EPHA3: variants seen among roughly 807,000 people sequenced by gnomAD.
The protein encoded by EPHA3 is ephrin type-A receptor 3.
A neutral mutation model predicts 107.1 loss-of-function variants in EPHA3; 42 were observed. That is an observed-to-expected ratio of 0.39 (90% confidence interval 0.31 to 0.51). EPHA3 has a LOEUF of 0.51. EPHA3 is among the 20% of genes least tolerant of loss of function. The pLI is 0.78. For synonymous variants in EPHA3, 461 were observed against 424.8 expected, an observed-to-expected ratio of 1.09 and a Z score of -1.05; for missense variants, 1,183 against 1,211.2, an observed-to-expected ratio of 0.98 and a Z score of 0.35.
At chr3:89,295,746 AC>A (rs1706334404) in intron 3 of EPHA3, among the ~76,000 whole-genome samples, 1 of 151,986 alleles carries the variant, frequency 6.6e-6, no homozygotes, top group African/African-American at 2.4e-5. Context: ...ATGCACCACC[AC>A]ACCCGGCTAA....
chr3:89,200,914 G>T (rs754284398), intron 2 of EPHA3, among the ~76,000 whole-genome samples: 4 of 152,120 alleles, frequency 2.6e-5, no homozygotes, highest in African/African-American at 4.8e-5. Context: ...CCTGTCCAGG[G>T]CTGGCTCCTG....
At chr3:89,154,269 TG>T (rs199961473) in intron 2 of EPHA3, among the ~76,000 whole-genome samples, 2,615 of 151,282 alleles carry the variant, frequency 0.017, 26 homozygotes, top group Non-Finnish European at 0.029. Context: ...GGTTTTTGTT[TG>T]TTTTTTTTTT....
chr3:89,415,338 A>T (rs1197225660), intron 10 of EPHA3, among the ~76,000 whole-genome samples: 1 of 149,934 alleles, frequency 6.7e-6, no homozygotes, highest in Non-Finnish European at 1.5e-5. Flanking sequence ...TCTTAATCTT[A>T]AAAAAAATAT....
At chr3:89,405,656 T>C (rs750297699) in intron 7 of EPHA3, among the ~76,000 whole-genome samples, 6 of 152,156 alleles carry the variant, frequency 3.9e-5, no homozygotes, top group Non-Finnish European at 7.3e-5. Context: ...CAAACTTAGA[T>C]TTGTTCAGGC....
At chr3:89,139,462 C>A (rs1419968000) in intron 2 of EPHA3, among the ~76,000 whole-genome samples, 2 of 151,754 alleles carry the variant, frequency 1.3e-5, no homozygotes, top group Admixed American at 6.6e-5. Flanking sequence ...ATTAGTAACA[C>A]AATTTTGATG....
At chr3:89,196,929 T>G (rs745335340) in intron 2 of EPHA3, among the ~76,000 whole-genome samples, 20 of 152,084 alleles carry the variant, frequency 1.3e-4, no homozygotes, top group Non-Finnish European at 2.4e-4. Flanking sequence ...ACCAATGCTA[T>G]CCTATCCAGA....
chr3:89,445,416 A>G (rs1204037024), intron 13 of EPHA3, among the ~76,000 whole-genome samples: 1 of 152,184 alleles, frequency 6.6e-6, no homozygotes, highest in Admixed American at 6.5e-5. Flanking sequence ...AAAAATAAAT[A>G]TGTTTACTTC....
At chr3:89,211,742 CCTTCTTCTTCTTCTTCTTCTTCTT>C (rs1206791496) in intron 3 of EPHA3, among the ~76,000 whole-genome samples, 5 of 19,538 alleles carry the variant, frequency 2.6e-4, no homozygotes, top group African/African-American at 6.2e-4. Context: ...TTCTTCTTCT[CCTTCTTCTTCTTCTTCTTCTTCTT>C]CTTCTTCTTC....
intron 5 of EPHA3, among the ~76,000 whole-genome samples, chr3:89,367,441 C>G (rs1385587073): frequency 6.6e-6 from 1 of 150,586 alleles, no homozygotes; most frequent in Non-Finnish European, 1.5e-5. Flanking sequence ...AGTGACTCCT[C>G]AAAGGCAGGG....
intron 3 of EPHA3, among the ~76,000 whole-genome samples, chr3:89,274,681 A>G (rs1559628311): frequency 6.6e-6 from 1 of 152,050 alleles, no homozygotes; most frequent in South Asian, 2.1e-4. Flanking sequence ...AGTTTAATAT[A>G]GTAAATTGAA....
intron 5 of EPHA3, among the ~76,000 whole-genome samples, chr3:89,362,099 C>G (rs2107459318): frequency 6.6e-6 from 1 of 151,172 alleles, no homozygotes; most frequent in Admixed American, 6.6e-5. Context: ...GACCTCACTT[C>G]TGAAATAATG....
intron 3 of EPHA3, among the ~76,000 whole-genome samples, chr3:89,284,021 A>C (rs1310609696): frequency 6.6e-6 from 1 of 152,064 alleles, no homozygotes; most frequent in African/African-American, 2.4e-5. Flanking sequence ...CACACCATAA[A>C]AGACTAGGAT....
At chr3:89,385,359 A>G (rs1447371242) in intron 5 of EPHA3, among the ~76,000 whole-genome samples, 4 of 152,190 alleles carry the variant, frequency 2.6e-5, no homozygotes, top group Non-Finnish European at 4.4e-5. Context: ...GGACGGACCC[A>G]GTGGGAGGTA....
In EPHA3 at chr3:89,474,148, A is replaced by C. The variant is rs144781373; in HGVS notation, c.2846+1529A>C. 7.8e-3 allele frequency among the ~76,000 whole-genome samples: 1,191 copies of C among 152,320 alleles called. 7 individuals are homozygous for C. The highest frequency in any genetic ancestry group is 0.01 in the Non-Finnish European group (708 of 68,032). ...TGTAATTAATAGATATAAGTGCCCA[A>C]CAAACAAATAAATAAGTTTATAATT... On this transcript the variant is annotated intron_variant, in intron 16 of 16. Coordinates refer to ENST00000336596, the MANE Select transcript of EPHA3 (RefSeq NM_005233.6).
At chr3:89,447,663 C>T (rs1346017383) in intron 13 of EPHA3, among the ~76,000 whole-genome samples, 2 of 152,130 alleles carry the variant, frequency 1.3e-5, no homozygotes, top group Non-Finnish European at 2.9e-5. Context: ...TTGATTTATG[C>T]CATTTGCTCA....
At chr3:89,294,044 A>T (rs764744193) in intron 3 of EPHA3, among the ~76,000 whole-genome samples, 1 of 152,192 alleles carries the variant, frequency 6.6e-6, no homozygotes, top group Non-Finnish European at 1.5e-5. Flanking sequence ...AAAGATTCTT[A>T]GTTCATACAT....
intron 5 of EPHA3, among the ~76,000 whole-genome samples, chr3:89,345,681 A>G (rs1475051736): frequency 7.0e-6 from 1 of 142,336 alleles, no homozygotes; most frequent in Non-Finnish European, 1.5e-5. Flanking sequence ...TTAGTTACAT[A>G]TGTATACATG....
At chr3:89,374,218 T>G (rs891374036) in intron 5 of EPHA3, among the ~76,000 whole-genome samples, 2 of 151,790 alleles carry the variant, frequency 1.3e-5, no homozygotes, top group Non-Finnish European at 2.9e-5. Context: ...CTGCAAACAG[T>G]TGGAGCCAGA....
At chr3:89,379,591 T>A (rs1708462780) in intron 5 of EPHA3, among the ~76,000 whole-genome samples, 2 of 152,158 alleles carry the variant, frequency 1.3e-5, no homozygotes, top group African/African-American at 2.4e-5. Context: ...CTTTTTCGTA[T>A]TATATTTTTA....
Sources: allele counts gnomAD v4.1 joint callset (sites outside exome capture counted in the v4.1 genomes callset), GRCh38; gene constraint gnomAD v4.1.1; transcripts MANE v1.5; gene names NCBI Gene and HGNC (gene_info 2026-07-23, HGNC 2026-07-21).